PHF20: variants seen among roughly 807,000 people sequenced by gnomAD.
PHF20 encodes the protein glioma-expressed antigen 2.
Under a neutral mutation model 113.5 loss-of-function variants are expected in PHF20, and 23 were observed. The ratio of observed to expected loss-of-function variants is 0.20; its 90% confidence interval spans 0.15 to 0.29. The LOEUF (loss-of-function observed/expected upper bound fraction) is 0.29, where lower values mean the gene tolerates loss of function less well. Ranked by LOEUF, PHF20 falls within the 10% of genes least tolerant of loss-of-function variation. The pLI, the probability that PHF20 is intolerant of heterozygous loss-of-function variation, is 1.00. For synonymous variants in PHF20, 434 were observed against 457.3 expected, an observed-to-expected ratio of 0.95 and a Z score of 0.65; for missense variants, 943 against 1,219.6, an observed-to-expected ratio of 0.77 and a Z score of 3.38.
At chr20:35,772,238 G>A (rs2041072115) in intron 1 of PHF20, among the ~76,000 whole-genome samples, 159 bp downstream of exon 1, 1 of 151,790 alleles carries the variant, frequency 6.6e-6, no homozygotes, top group Non-Finnish European at 1.5e-5. Context: ...CCAGCCTGGA[G>A]GGAGGCCCTG....
intron 1 of PHF20, among the ~76,000 whole-genome samples, chr20:35,787,086 G>A (rs1198716686): frequency 6.6e-6 from 1 of 151,332 alleles, no homozygotes; most frequent in Non-Finnish European, 1.5e-5. Flanking sequence ...TGAACCCCTG[G>A]GCTCAAGTGA....
intron 1 of PHF20, among the ~76,000 whole-genome samples, chr20:35,799,742 A>G (rs909807832): frequency 6.6e-6 from 1 of 151,564 alleles, no homozygotes; most frequent in Non-Finnish European, 1.5e-5. Flanking sequence ...ATCTCGGCTC[A>G]CTGCAACCTC....
At chr20:35,809,253 A>C (rs77241438) in intron 2 of PHF20, among the ~76,000 whole-genome samples, 1 of 148,202 alleles carries the variant, frequency 6.7e-6, no homozygotes, top group Non-Finnish European at 1.5e-5. Flanking sequence ...GTCTTGGAAG[A>C]AAAAAAAAAC....
intron 9 of PHF20, among the ~76,000 whole-genome samples, chr20:35,898,435 T>C (rs768133056): frequency 1.3e-5 from 2 of 152,120 alleles, no homozygotes; most frequent in Non-Finnish European, 2.9e-5. Flanking sequence ...ATTTATTTTA[T>C]TTATTTTTTA....
chr20:35,941,639 A>G (rs1471304440), intron 17 of PHF20, among the ~76,000 whole-genome samples: 1 of 152,202 alleles, frequency 6.6e-6, no homozygotes. Flanking sequence ...TTGGTTGTTG[A>G]AATATTCCCT....
At chr20:35,857,358 G>A (rs1279308308) in intron 4 of PHF20, among the ~76,000 whole-genome samples, 3 of 151,928 alleles carry the variant, frequency 2.0e-5, no homozygotes, top group Non-Finnish European at 2.9e-5. Context: ...TAGCAGGGAC[G>A]GATCTTTATT....
Position 35,927,779 on chromosome 20 carries a change from G to C in PHF20, c.2005-1G>C. The C allele has an allele frequency of 6.2e-7, 1 of 1,610,072 alleles. No individual in the cohort carries two copies. The highest frequency in any genetic ancestry group is 1.1e-5 in the South Asian group (1 of 91,010). On this transcript the variant is annotated splice_acceptor_variant, in intron 13 of 17. Transcript: ENST00000374012. LOFTEE classifies it high-confidence loss of function. ...TTTTGTTGCTTCTTTAATTCTAACAGTGTGAAGAGTGCCAGTGCTGGCAGC... is the reference window on the plus strand; with the variant it reads ...TTTTGTTGCTTCTTTAATTCTAACACTGTGAAGAGTGCCAGTGCTGGCAGC...
At chr20:35,879,185 G>T (rs2054582901) in intron 9 of PHF20, among the ~76,000 whole-genome samples, 1 of 151,794 alleles carries the variant, frequency 6.6e-6, no homozygotes, top group Non-Finnish European at 1.5e-5. Context: ...TTAGAACTCT[G>T]TCCAAAAAGT....
intron 9 of PHF20, among the ~76,000 whole-genome samples, chr20:35,890,499 A>G (rs2054829084): frequency 6.6e-6 from 1 of 152,236 alleles, no homozygotes; most frequent in South Asian, 2.1e-4. Context: ...AGAATTATGC[A>G]TAACTTTGAT....
chr20:35,938,050 T>C (rs780211039), intron 15 of PHF20, among the ~76,000 whole-genome samples: 3 of 152,024 alleles, frequency 2.0e-5, no homozygotes, highest in Non-Finnish European at 2.9e-5. Context: ...TTTTTTTGTA[T>C]TTTAGTAGAG....
intron 2 of PHF20, among the ~76,000 whole-genome samples, chr20:35,836,712 C>T (rs2042446940): frequency 1.3e-5 from 2 of 151,852 alleles, no homozygotes; most frequent in Non-Finnish European, 2.9e-5. Context: ...GGCAAGGTGG[C>T]AGGTGCCTGT....
At chr20:35,862,335 C>A (rs777203053) in intron 5 of PHF20, among the ~76,000 whole-genome samples, 4 of 152,162 alleles carry the variant, frequency 2.6e-5, no homozygotes, top group Non-Finnish European at 4.4e-5. Context: ...CAAACTGAAC[C>A]AGGCCTCTGA....
At chr20:35,823,880 C>G (rs766672140) in intron 2 of PHF20, among the ~76,000 whole-genome samples, 4 of 152,172 alleles carry the variant, frequency 2.6e-5, no homozygotes, top group African/African-American at 9.7e-5. Flanking sequence ...ATTTGAGACT[C>G]ACCCGTATTT....
chr20:35,774,282 A>C (rs2041128033), intron 1 of PHF20, among the ~76,000 whole-genome samples: 1 of 151,512 alleles, frequency 6.6e-6, no homozygotes, highest in African/African-American at 2.4e-5. Flanking sequence ...ACGGGGTTTC[A>C]CTGTGGTCTC....
intron 5 of PHF20, among the ~76,000 whole-genome samples, chr20:35,858,925 C>G (rs2054166992): frequency 6.6e-6 from 1 of 152,072 alleles, no homozygotes; most frequent in South Asian, 2.1e-4. Context: ...TGCTTGGATA[C>G]CATTGCCTAT....
At chr20:35,820,880 A>T (rs2146901185) in intron 2 of PHF20, among the ~76,000 whole-genome samples, 1 of 152,168 alleles carries the variant, frequency 6.6e-6, no homozygotes, top group South Asian at 2.1e-4. Context: ...TGAGGGAGTG[A>T]GTCATGTTAG....
intron 1 of PHF20, among the ~76,000 whole-genome samples, chr20:35,785,479 C>T (rs917834172): frequency 1.1e-4 from 17 of 151,732 alleles, no homozygotes; most frequent in African/African-American, 3.1e-4. Flanking sequence ...ACCACCATGC[C>T]GGGCTAATTT....
chr20:35,808,750 T>C (rs1428141491), intron 2 of PHF20, among the ~76,000 whole-genome samples: 1 of 151,512 alleles, frequency 6.6e-6, no homozygotes, highest in African/African-American at 2.4e-5. Flanking sequence ...TTTTTTCTAT[T>C]TTTAGTAGAG....
chr20:35,853,547 C>T (rs1470691872), intron 4 of PHF20, among the ~76,000 whole-genome samples: 1 of 152,070 alleles, frequency 6.6e-6, no homozygotes, highest in Non-Finnish European at 1.5e-5. Context: ...AGTTTGAGAC[C>T]AGCCTGGGTA....
Sources: gnomAD v4.1 joint callset for allele counts (sites outside exome capture counted in the v4.1 genomes callset) on GRCh38, gnomAD v4.1.1 for gene constraint, MANE v1.5 for transcripts, NCBI Gene and HGNC (gene_info 2026-07-23, HGNC 2026-07-21) for gene names.